Variants in KLF3 observed in about 807,000 individuals in gnomAD.
The protein encoded by KLF3 is KLF transcription factor 3, also known as Krueppel-like factor 3.
Under a neutral mutation model 32.7 loss-of-function variants are expected in KLF3, and 6 were observed. The ratio of observed to expected loss-of-function variants is 0.18; its 90% CI spans 0.10 to 0.36. KLF3 has a LOEUF of 0.36. Ranked by LOEUF, KLF3 falls within the 10% of genes least tolerant of loss-of-function variation. KLF3 has a pLI of 1.00. For missense variants in KLF3, 338 were observed against 449.7 expected (o/e 0.75, Z 2.25); for synonymous variants, 145 against 172.8 (o/e 0.84, Z 1.26).
Position 38,669,750 on chromosome 4 carries a change from G to A in KLF3, c.-40+5289G>A, listed in dbSNP as rs558334536. ...TTTACTAAAAGTACAAAAATTATCC[G>A]GGCGTGGTGGTGGGCGCCTGTAATC... On this transcript the variant is annotated intron_variant, in intron 1 of 5. Transcript: ENST00000261438. Among the ~76,000 whole-genome samples the A allele has an allele frequency of 1.4e-4, 21 of 151,790 alleles. 1 individual carries two copies. In the East Asian group the frequency reaches 2.5e-3, roughly 18 times the overall value.
chr4:38,685,716 A>G (rs934231813), intron 2 of KLF3, among the ~76,000 whole-genome samples: 8 of 152,188 alleles, frequency 5.3e-5, no homozygotes, highest in Non-Finnish European at 8.8e-5. Flanking sequence ...GAGAAGCTAC[A>G]TTTTCGTCAA....
chr4:38,693,139 T>G lies in KLF3; in HGVS notation c.696-1607T>G, dbSNP rs530594127. On this transcript the variant is annotated intron_variant, in intron 4 of 5. Coordinates refer to ENST00000261438, the MANE Select transcript of KLF3 (RefSeq NM_016531.6). ...ATACATATATATATACGTGTATATA[T>G]ATGTGTATATATATACATATATATA... is the stretch of plus-strand genomic sequence containing the variant. 7.8e-5 allele frequency among the ~76,000 whole-genome samples: 11 copies of G among 140,814 alleles called. No homozygotes were observed. The South Asian group carries it at 2.4e-3, about 31-fold the overall frequency. The allele number at this position is 140,814 out of a possible 152,430, so 92.4% of individuals were successfully genotyped here.
At chr4:38,675,030 T>C (rs1360255789) in intron 1 of KLF3, among the ~76,000 whole-genome samples, 1 of 152,248 alleles carries the variant, frequency 6.6e-6, no homozygotes, top group Non-Finnish European at 1.5e-5. Flanking sequence ...TGCATAGGTC[T>C]CAGACACCAC....
chr4:38,679,863 C>G (rs1470621414), intron 1 of KLF3, among the ~76,000 whole-genome samples: 1 of 152,130 alleles, frequency 6.6e-6, no homozygotes, highest in African/African-American at 2.4e-5. Context: ...TCTAGGTTTT[C>G]TTTTTGCTCG....
chr4:38,697,556 A>G lies in KLF3; in HGVS notation c.*293A>G, dbSNP rs998933862. On this transcript the variant is annotated 3_prime_UTR_variant, in exon 6 of 6. Coordinates refer to ENST00000261438, the MANE Select transcript of KLF3 (RefSeq NM_016531.6). ...CGTTTAATGTAATAAGAACAAGGGAACATGTAAACTAACATAACCAATTGT... is the reference window on the plus strand; with the variant it reads ...CGTTTAATGTAATAAGAACAAGGGAGCATGTAAACTAACATAACCAATTGT... The G allele has an allele frequency of 3.4e-6, 1 of 293,780 alleles. No homozygotes were observed. Among genetic ancestry groups the G allele is most frequent in the Non-Finnish European group, 6.3e-6 (1 of 158,134 alleles). The allele number at this position is 293,780 out of a possible 1,614,324, so 18.2% of individuals were successfully genotyped here.
intron 1 of KLF3, among the ~76,000 whole-genome samples, chr4:38,665,803 T>C (rs1201997026): frequency 6.6e-6 from 1 of 152,218 alleles, no homozygotes; most frequent in African/African-American, 2.4e-5. Context: ...GCTATCCTTT[T>C]CTGTACGAAT....
In KLF3 at chr4:38,680,371, G is replaced by A. The variant is rs192261648; in HGVS notation, c.-39-216G>A. Among the ~76,000 whole-genome samples, 324 of 151,918 alleles carry A rather than the reference G, an allele frequency of 2.1e-3. 1 individual carries two copies. The highest frequency in any genetic ancestry group is 7.1e-3 in the African/African-American group (295 of 41,450). ...TGGGATTATAGACGAGTGCCATCAC[G>A]CCCAGCTAATTTTTGCATTTTTAGT... On this transcript the variant is annotated intron_variant, in intron 1 of 5. Coordinates refer to ENST00000261438, the MANE Select transcript of KLF3 (RefSeq NM_016531.6).
chr4:38,684,595 C>T (rs1456774716), intron 2 of KLF3, among the ~76,000 whole-genome samples: 1 of 140,948 alleles, frequency 7.1e-6, no homozygotes, highest in African/African-American at 2.7e-5. Context: ...AGGTATTGCC[C>T]TGTTGCCCAG....
intron 4 of KLF3, among the ~76,000 whole-genome samples, chr4:38,694,525 C>T (rs928186513): frequency 1.3e-4 from 20 of 152,142 alleles, no homozygotes; most frequent in Non-Finnish European, 1.9e-4. Flanking sequence ...CTTTGTGTCC[C>T]GGTGCCAAGC....
chr4:38,675,393 C>G (rs989383246), intron 1 of KLF3, among the ~76,000 whole-genome samples: 1 of 151,676 alleles, frequency 6.6e-6, no homozygotes, highest in Non-Finnish European at 1.5e-5. Context: ...TTGCCCTTCC[C>G]CCCCCTTTTG....
chr4:38,669,957 TAATG>T (rs34571327), intron 1 of KLF3, among the ~76,000 whole-genome samples: 125,529 of 145,428 alleles, frequency 0.86, 54,811 homozygotes, highest in African/African-American at 0.97. Context: ...CCTTATTCTG[TAATG>T]AATGTGACCA....
At position 38,699,718 on chromosome 4, in the gene KLF3, C is replaced by T. The variant is rs912142732; in HGVS notation, c.*2455C>T. 3 of 152,196 alleles carry T rather than the reference C, an allele frequency of 2.0e-5. No individual in the cohort carries two copies. Among genetic ancestry groups the T allele is most frequent in the Non-Finnish European group, 4.4e-5 (3 of 68,032 alleles). 9.4% of individuals were successfully genotyped at this position (152,196 alleles called of 1,614,324 possible). ...GTTAACAGTTCATTTAACAAAGATC[C>T]GTTTTAACTCTGAACAAAAGCAACC... On this transcript the variant is annotated 3_prime_UTR_variant, in exon 6 of 6. Coordinates refer to ENST00000261438, the MANE Select transcript of KLF3 (RefSeq NM_016531.6).
intron 2 of KLF3, among the ~76,000 whole-genome samples, chr4:38,687,940 C>T (rs1432921787): frequency 1.3e-5 from 2 of 152,104 alleles, no homozygotes; most frequent in Non-Finnish European, 2.9e-5. Context: ...CACAGTTCCA[C>T]GCTGACTAGG....
chr4:38,670,773 G>C (rs1722176831), intron 1 of KLF3, among the ~76,000 whole-genome samples: 1 of 152,332 alleles, frequency 6.6e-6, no homozygotes, highest in South Asian at 2.1e-4. Flanking sequence ...AGGACACCTG[G>C]TGTACCATCA....
In KLF3 at chr4:38,673,968, A is replaced by T. The variant is rs996212486; in HGVS notation, c.-39-6619A>T. On this transcript the variant is annotated intron_variant, in intron 1 of 5. Coordinates refer to ENST00000261438, the MANE Select transcript of KLF3 (RefSeq NM_016531.6). ...AGAGGGTGGGTTGTTTGCTCACTGG[A>T]TCATTATATTTCATCTGAAATGAAA... 4.6e-5 allele frequency among the ~76,000 whole-genome samples: 7 copies of T among 152,054 alleles called. No individual in the cohort carries two copies. The South Asian group carries it at 1.5e-3, about 32-fold the overall frequency.
intron 4 of KLF3, among the ~76,000 whole-genome samples, chr4:38,692,681 G>C (rs996953225): frequency 6.6e-6 from 1 of 151,958 alleles, no homozygotes; most frequent in Non-Finnish European, 1.5e-5. Context: ...ACAGCCTTTC[G>C]GTGCACCTTT....
chr4:38,675,761 A>AT (rs1722327751), intron 1 of KLF3, among the ~76,000 whole-genome samples: 1 of 152,076 alleles, frequency 6.6e-6, no homozygotes, highest in Non-Finnish European at 1.5e-5. Flanking sequence ...TGTATGATAG[A>AT]TTTTCTAAGC....
intron 1 of KLF3, among the ~76,000 whole-genome samples, chr4:38,679,011 G>A (rs1220059550): frequency 1.3e-5 from 2 of 152,218 alleles, no homozygotes; most frequent in Admixed American, 6.5e-5. Flanking sequence ...TGAAGAAGCA[G>A]TTGGCTTGAT....
In KLF3 at chr4:38,688,674, C is replaced by T; in HGVS notation, c.147C>T (p.Thr49=). 1 of 1,614,094 alleles carries T rather than the reference C, an allele frequency of 6.2e-7. No individual in the cohort carries two copies. Among genetic ancestry groups the T allele is most frequent in the Non-Finnish European group, 8.5e-7 (1 of 1,180,036 alleles). The change falls in exon 3 of 6, where the codon ACC becomes ACT. Residue 49 remains threonine, a synonymous_variant. Coordinates refer to ENST00000261438, the MANE Select transcript of KLF3 (RefSeq NM_016531.6). The surrounding 1 kb of genome is among the most constrained non-coding windows in gnomAD (Gnocchi z 4.9). ...CATTGCCTGAGAAGTTCTTTCAGAC[C>T]CCAGAAGGTCTGTCGCACGGAATAC... ...STPLPEKFFQ[T]PEGLSHGIQM...
Sources: gnomAD v4.1 joint callset for allele counts (sites outside exome capture counted in the v4.1 genomes callset) on GRCh38, gnomAD v4.1.1 for gene constraint, Gnocchi (gnomAD v3.1) non-coding constraint, MANE v1.5 for transcripts, NCBI Gene and HGNC (gene_info 2026-07-23, HGNC 2026-07-21) for gene names.